Variants in STK3 observed in about 807,000 individuals in gnomAD.
STK3 encodes serine/threonine-protein kinase 3.
STK3 carries 41 observed loss-of-function variants against 58.0 expected under a neutral mutation model. The ratio of observed to expected loss-of-function variants is 0.71; its 90% CI spans 0.55 to 0.92. The LOEUF is 0.92. Among genes scored for constraint, STK3 ranks in the 40% least tolerant of loss-of-function variants. The probability of loss-of-function intolerance (pLI) is 0.00; values close to 1 mark genes in which losing one functional copy is unlikely to be tolerated. For synonymous variants in STK3, 170 were observed against 191.0 expected (o/e 0.89, Z 0.91); for missense variants, 479 against 602.7 (o/e 0.79, Z 2.15).
upstream of STK3, among the ~76,000 whole-genome samples, chr8:98,389,885 C>G (rs1034534277): frequency 6.6e-6 from 1 of 151,944 alleles, no homozygotes; most frequent in East Asian, 1.9e-4. Context: ...AAGAACCGGA[C>G]AGCTAAACTA....
chr8:98,795,026 C>T (rs1833038498), intron 1 of STK3, among the ~76,000 whole-genome samples: 1 of 133,036 alleles, frequency 7.5e-6, no homozygotes, highest in Non-Finnish European at 1.5e-5. Context: ...CGAGATCGCG[C>T]CATTGCACTC....
chr8:98,431,339 T>C (rs967027256), intron 3 of STK3: 3 of 167,100 alleles, frequency 1.8e-5, no homozygotes, highest in African/African-American at 4.8e-5. Context: ...TGTCTCCTAG[T>C]GTCTACATCC....
At chr8:98,766,530 G>A (rs1011788400) in intron 3 of STK3, among the ~76,000 whole-genome samples, 8 of 152,010 alleles carry the variant, frequency 5.3e-5, no homozygotes, top group African/African-American at 1.4e-4. Flanking sequence ...CAATCCTCCC[G>A]CCTCAGCTTC....
chr8:98,802,572 C>T (rs1183205256), intron 1 of STK3, among the ~76,000 whole-genome samples: 1 of 152,038 alleles, frequency 6.6e-6, no homozygotes, highest in Non-Finnish European at 1.5e-5. Context: ...GTTTAAAGTT[C>T]TCCCTAATAA....
chr8:98,384,610 C>T (rs1183741462), intron 1 of STK3, among the ~76,000 whole-genome samples: 1 of 152,188 alleles, frequency 6.6e-6, no homozygotes, highest in African/African-American at 2.4e-5. Flanking sequence ...TTCAGCAACT[C>T]TCTCTGTCTC....
chr8:98,782,876 G>A (rs2131538502), intron 1 of STK3, among the ~76,000 whole-genome samples: 1 of 151,984 alleles, frequency 6.6e-6, no homozygotes, highest in East Asian at 1.9e-4. Flanking sequence ...CAAATGGGAT[G>A]GGAAGTAAGG....
intron 1 of STK3, chr8:98,883,878 G>C: frequency 1.7e-6 from 1 of 592,060 alleles, no homozygotes. Context: ...GTCAACTGAA[G>C]CCAGAGGGGC....
intron 1 of STK3, among the ~76,000 whole-genome samples, chr8:98,808,884 T>C (rs1418091638): frequency 1.3e-5 from 2 of 152,178 alleles, no homozygotes; most frequent in South Asian, 2.1e-4. Context: ...AAATCAATCA[T>C]GTGATTACAT....
At chr8:98,694,989 T>C (rs1824748833) in intron 6 of STK3, among the ~76,000 whole-genome samples, 1 of 152,206 alleles carries the variant, frequency 6.6e-6, no homozygotes, top group Admixed American at 6.5e-5. Flanking sequence ...TGTTCCTATT[T>C]CTCCACATCC....
intron 9 of STK3, among the ~76,000 whole-genome samples, chr8:98,532,662 T>C (rs561355210): frequency 2.6e-5 from 4 of 152,318 alleles, no homozygotes; most frequent in South Asian, 4.1e-4. Context: ...ATTGCAATAA[T>C]GAGGTATGCT....
intron 3 of STK3, among the ~76,000 whole-genome samples, chr8:98,405,985 C>A (rs974933669): frequency 7.2e-5 from 11 of 152,148 alleles, no homozygotes; most frequent in African/African-American, 2.7e-4. Flanking sequence ...TGCAGACAAA[C>A]CATATCATAA....
At position 98,893,540 on chromosome 8, in the gene STK3, A is replaced by G. The variant is rs140449309; in HGVS notation, c.-78-9706T>C. Among the ~76,000 whole-genome samples the G allele has an allele frequency of 2.9e-3, 416 of 141,230 alleles. 3 individuals are homozygous for G. Among genetic ancestry groups the G allele is most frequent in the African/African-American group, 9.0e-3 (334 of 37,070 alleles). 92.7% of individuals were successfully genotyped at this position (141,230 alleles called of 152,430 possible). A position where few individuals can be genotyped will look rare whatever the true frequency, so the allele number is the denominator to read the frequency against. ...AGAAAGAAAGAAAGAAAGAAAGAAAAAGAAAGAGAAAGAGAAAGAGAGAGG... is the reference window on the plus strand; with the variant it reads ...AGAAAGAAAGAAAGAAAGAAAGAAAGAGAAAGAGAAAGAGAAAGAGAGAGG... On this transcript the variant is annotated intron_variant, in intron 1 of 1. Coordinates refer to the STK3 transcript ENST00000519420.
At chr8:98,824,584 C>T (rs1474194967) in intron 1 of STK3, among the ~76,000 whole-genome samples, 4 of 152,200 alleles carry the variant, frequency 2.6e-5, no homozygotes, top group African/African-American at 9.6e-5. Context: ...CAGCAGGTCC[C>T]TTTTGGAAAC....
At chr8:98,774,677 CAT>C (rs1230684250) in intron 2 of STK3, 60 bp downstream of exon 2, 1 of 1,165,814 alleles carries the variant, frequency 8.6e-7, no homozygotes, top group African/African-American at 1.6e-5. Context: ...AGATTAACAT[CAT>C]ATAATATTTT....
chr8:98,735,172 T>C (rs1037131903), intron 4 of STK3, among the ~76,000 whole-genome samples: 4 of 152,276 alleles, frequency 2.6e-5, no homozygotes, highest in African/African-American at 4.8e-5. Flanking sequence ...GGTAATTTTA[T>C]ATTCACAGGA....
At chr8:98,858,516 G>A (rs986858263) in intron 3 of STK3, among the ~76,000 whole-genome samples, 7 of 150,118 alleles carry the variant, frequency 4.7e-5, no homozygotes, top group African/African-American at 1.7e-4. Flanking sequence ...ATGTTTAACC[G>A]AAAAAGGTTG....
At chr8:98,584,959 A>G (rs1411680693) in intron 7 of STK3, among the ~76,000 whole-genome samples, 1 of 149,690 alleles carries the variant, frequency 6.7e-6, no homozygotes, top group Non-Finnish European at 1.5e-5. Flanking sequence ...TTTTTCTTGT[A>G]AATTTGTTTG....
At chr8:98,709,704 A>C (rs1826245967) in intron 4 of STK3, among the ~76,000 whole-genome samples, 1 of 152,216 alleles carries the variant, frequency 6.6e-6, no homozygotes, top group African/African-American at 2.4e-5. Context: ...TGATCATTTC[A>C]AATGAAAACA....
chr8:98,389,721 GA>G (rs1201297329), upstream of STK3, among the ~76,000 whole-genome samples: 7 of 150,102 alleles, frequency 4.7e-5, no homozygotes, highest in African/African-American at 1.7e-4. Context: ...GAGTCCTAGA[GA>G]ACTCTGATTG....
Sources: gnomAD v4.1 joint callset for allele counts (sites outside exome capture counted in the v4.1 genomes callset) on GRCh38, gnomAD v4.1.1 for gene constraint, MANE v1.5 for transcripts, NCBI Gene and HGNC (gene_info 2026-07-23, HGNC 2026-07-21) for gene names.